The following TRIM5 variants were observed in gnomAD, a reference collection of about 807,000 sequenced individuals.
TRIM5 encodes tripartite motif containing 5, also known as tripartite motif-containing protein 5.
TRIM5 carries 31 observed loss-of-function variants against 35.6 expected under a neutral mutation model. The observed-to-expected ratio is 0.87, with a 90% confidence interval of 0.65 to 1.18. The LOEUF is 1.18. Among genes scored for constraint, TRIM5 ranks in the 50% most tolerant of loss-of-function variants. TRIM5 has a pLI of 0.00. For synonymous variants in TRIM5, 243 were observed against 215.6 expected, an observed-to-expected ratio of 1.13 and a Z score of -1.11; for missense variants, 609 against 591.6, an observed-to-expected ratio of 1.03 and a Z score of -0.31.
chr11:5,605,496 A>T, the TRIM5 span: 3 of 1,614,136 alleles, frequency 1.9e-6, no homozygotes, highest in Admixed American at 5.0e-5. Context: ...GGTCCACCAG[A>T]CCCAGTCGCT....
At chr11:5,667,653 T>C in intron 5 of TRIM5, 36 bp downstream of exon 5, 5 of 1,611,180 alleles carry the variant, frequency 3.1e-6, no homozygotes, top group Non-Finnish European at 4.2e-6. Flanking sequence ...CTCTCCTCAC[T>C]GCACAAAAGG....
At chr11:5,661,765 C>T (rs941425980), downstream of TRIM5, among the ~76,000 whole-genome samples, 3 of 152,192 alleles carry the variant, frequency 2.0e-5, no homozygotes, top group Non-Finnish European at 4.4e-5. Context: ...CGGAGTGTAA[C>T]TCAGAGCAAT....
At chr11:5,641,086 T>C in the TRIM5 span, 1 of 1,495,774 alleles carries the variant, frequency 6.7e-7, no homozygotes, top group African/African-American at 1.4e-5. Flanking sequence ...TTCCATTTTT[T>C]TTCCTACTGT....
At chr11:5,617,160 G>A in the TRIM5 span, among the ~76,000 whole-genome samples, 42,626 of 142,878 alleles carry the variant, frequency 0.3, 10,427 homozygotes, top group East Asian at 0.64. Context: ...TATTTGAAGG[G>A]CAAATAATTA....
At chr11:5,591,441 G>C in the TRIM5 span, among the ~76,000 whole-genome samples, 1 of 152,224 alleles carries the variant, frequency 6.6e-6, no homozygotes, top group Non-Finnish European at 1.5e-5. Context: ...CTGAGGTCAA[G>C]AGTTGGAGAC....
At chr11:5,676,937 T>C (rs1852029534) in intron 4 of TRIM5, among the ~76,000 whole-genome samples, 2 of 151,118 alleles carry the variant, frequency 1.3e-5, no homozygotes. Flanking sequence ...CCTTACACCT[T>C]ATACAAAAAT....
At position 5,664,448 on chromosome 11, in the gene TRIM5, G is replaced by T; in HGVS notation, c.*361C>A. The T allele has an allele frequency of 9.8e-7, 1 of 1,022,972 alleles. No homozygotes were observed. Among genetic ancestry groups the T allele is most frequent in the Non-Finnish European group, 1.2e-6 (1 of 852,692 alleles). 63.4% of individuals were successfully genotyped at this position (1,022,972 alleles called of 1,614,324 possible). A position where few individuals can be genotyped will look rare whatever the true frequency, so the allele number is the denominator to read the frequency against. On this transcript the variant is annotated 3_prime_UTR_variant, in exon 8 of 8. Transcript: ENST00000380034. ...CATTGGTGAACAATTATCACACGAT[G>T]ATATAGAAAGGCTGTTGAAAAGCTT...
intron 4 of TRIM5, 58 bp from the exon 5 acceptor site, chr11:5,667,769 A>G: frequency 6.3e-7 from 1 of 1,584,340 alleles, no homozygotes; most frequent in Non-Finnish European, 8.6e-7. Flanking sequence ...TCACTTATAA[A>G]GCTTCATCAC....
At chr11:5,667,524 T>C (rs896920096) in intron 5 of TRIM5, among the ~76,000 whole-genome samples, 165 bp downstream of exon 5, 1 of 152,206 alleles carries the variant, frequency 6.6e-6, no homozygotes, top group African/African-American at 2.4e-5. Context: ...TTAATAGTTA[T>C]AGAACATTCG....
At chr11:5,632,865 C>T in the TRIM5 span, 608 of 1,356,870 alleles carry the variant, frequency 4.5e-4, 8 homozygotes, top group East Asian at 8.5e-3. Flanking sequence ...CTCACTCTGT[C>T]GCCCAGGCTG....
the TRIM5 span, chr11:5,644,008 A>C: frequency 2.2e-6 from 1 of 463,666 alleles, no homozygotes. Flanking sequence ...AAGAGGCCCA[A>C]AGCCTGTTAG....
the TRIM5 span, among the ~76,000 whole-genome samples, chr11:5,604,226 C>T: frequency 2.6e-5 from 4 of 152,044 alleles, no homozygotes; most frequent in Non-Finnish European, 5.9e-5. Context: ...GTTGCCCAGG[C>T]TGATCTCAAA....
the TRIM5 span, among the ~76,000 whole-genome samples, chr11:5,640,972 T>G: frequency 6.6e-6 from 1 of 152,160 alleles, no homozygotes; most frequent in Non-Finnish European, 1.5e-5. Flanking sequence ...TTCCTTAAGG[T>G]CAGTAGTAAT....
the TRIM5 span, chr11:5,632,598 C>A: frequency 6.2e-7 from 1 of 1,613,522 alleles, no homozygotes; most frequent in Non-Finnish European, 8.5e-7. Flanking sequence ...TGAGCCCAGA[C>A]AATGGGAAGA....
chr11:5,658,327 T>C (rs971027413), downstream of TRIM5, among the ~76,000 whole-genome samples: 5 of 152,198 alleles, frequency 3.3e-5, no homozygotes, highest in African/African-American at 1.2e-4. Context: ...GAAATCCACC[T>C]TCCTACTCCA....
At chr11:5,639,006 C>G in the TRIM5 span, among the ~76,000 whole-genome samples, 1,083 of 152,110 alleles carry the variant, frequency 7.1e-3, 15 homozygotes, top group African/African-American at 0.024. Flanking sequence ...CTATCTTTAA[C>G]TAGGGTCTGG....
the TRIM5 span, chr11:5,608,432 T>C: frequency 6.2e-7 from 1 of 1,610,920 alleles, no homozygotes; most frequent in Non-Finnish European, 8.5e-7. Context: ...TCCCCTGGAC[T>C]GACAAATGAT....
At chr11:5,613,322 C>G in the TRIM5 span, among the ~76,000 whole-genome samples, 1 of 152,244 alleles carries the variant, frequency 6.6e-6, no homozygotes, top group Non-Finnish European at 1.5e-5. Flanking sequence ...CTGTTGGGCA[C>G]TTGAAGCTCC....
chr11:5,598,699 C>T, the TRIM5 span, among the ~76,000 whole-genome samples: 3 of 152,178 alleles, frequency 2.0e-5, no homozygotes, highest in East Asian at 5.8e-4. Context: ...TTCAAATGCT[C>T]AAGAGCCATA....
Sources: allele counts gnomAD v4.1 joint callset (sites outside exome capture counted in the v4.1 genomes callset), GRCh38; gene constraint gnomAD v4.1.1; transcripts MANE v1.5; gene names NCBI Gene and HGNC (gene_info 2026-07-23, HGNC 2026-07-21).